The following NSUN7 variants were observed in gnomAD, a reference collection of about 807,000 sequenced individuals.
NSUN7 encodes NOP2/Sun RNA methyltransferase family member 7.
In NSUN7, 39 loss-of-function variants were observed where a neutral mutation model predicts 58.5. The ratio of observed to expected loss-of-function variants is 0.67; its 90% CI spans 0.52 to 0.87. The LOEUF is 0.87. Among genes scored for constraint, NSUN7 ranks in the 40% least tolerant of loss-of-function variants. NSUN7 has a pLI of 0.00. For missense variants in NSUN7, 765 were observed against 844.1 expected (o/e 0.91, Z 1.16); for synonymous variants, 278 against 303.7 (o/e 0.92, Z 0.88).
At chr4:40,772,081 C>T (rs1440642204) in intron 4 of NSUN7, among the ~76,000 whole-genome samples, 2 of 152,090 alleles carry the variant, frequency 1.3e-5, no homozygotes, top group Admixed American at 1.3e-4. Context: ...ATCTGTATAA[C>T]TGCATGTACA....
At chr4:40,790,089 A>C in intron 7 of NSUN7, among the ~76,000 whole-genome samples, 1 of 119,074 alleles carries the variant, frequency 8.4e-6, no homozygotes, top group Admixed American at 9.4e-5. Context: ...TTTTCTGGAG[A>C]GAAGATAGAA....
chr4:40,792,771 C>T (rs1024043730), intron 8 of NSUN7, among the ~76,000 whole-genome samples: 71 of 138,726 alleles, frequency 5.1e-4, no homozygotes, highest in Admixed American at 1.2e-3. Context: ...AAAAAGTTGT[C>T]GTATCCTGAA....
At chr4:40,778,718 A>T (rs1742385133) in intron 7 of NSUN7, among the ~76,000 whole-genome samples, 1 of 152,240 alleles carries the variant, frequency 6.6e-6, no homozygotes, top group Non-Finnish European at 1.5e-5. Context: ...CTAAGGTAAC[A>T]TATTAGGCAT....
At position 40,751,003 on chromosome 4, in the gene NSUN7, C is replaced by T; in HGVS notation, c.298+12C>T. On this transcript the variant is annotated intron_variant, in intron 2 of 11. Coordinates refer to ENST00000381782, the MANE Select transcript of NSUN7 (RefSeq NM_024677.6). ...CAGTGCCCTGAAATGTGAGTTGTGC[C>T]AGTCTGGAAGATCAACACTAAAAGA... 1 of 1,610,068 alleles carries T rather than the reference C, an allele frequency of 6.2e-7. No individual in the cohort carries two copies. Among genetic ancestry groups the T allele is most frequent in the Non-Finnish European group, 8.5e-7 (1 of 1,176,920 alleles).
chr4:40,805,411 A>G (rs1055021270), intron 10 of NSUN7, among the ~76,000 whole-genome samples: 6 of 152,116 alleles, frequency 3.9e-5, no homozygotes, highest in African/African-American at 1.2e-4. Flanking sequence ...GAGTTCCCCA[A>G]TCTGTGCACC....
At chr4:40,756,499 A>G (rs559609067) in intron 2 of NSUN7, among the ~76,000 whole-genome samples, 2 of 152,298 alleles carry the variant, frequency 1.3e-5, no homozygotes, top group Admixed American at 1.3e-4. Context: ...CTGATAACCT[A>G]AATTAGGCAT....
chr4:40,780,282 A>AAATC (rs76768481), intron 7 of NSUN7, among the ~76,000 whole-genome samples: 18,852 of 150,334 alleles, frequency 0.13, 1,519 homozygotes, highest in Non-Finnish European at 0.18. Flanking sequence ...TCCGTCTCAT[A>AAATC]AATCAATCAA....
At chr4:40,778,420 G>A (rs561285098) in intron 7 of NSUN7, among the ~76,000 whole-genome samples, 57 of 152,278 alleles carry the variant, frequency 3.7e-4, no homozygotes, top group African/African-American at 1.3e-3. Flanking sequence ...CCTAACCCCC[G>A]AAGTGATGGT....
chr4:40,751,685 C>T (rs1740841622), intron 2 of NSUN7, among the ~76,000 whole-genome samples: 1 of 152,156 alleles, frequency 6.6e-6, no homozygotes, highest in Non-Finnish European at 1.5e-5. Flanking sequence ...GGGTTTGAGA[C>T]TCAAGGATGG....
At chr4:40,799,641 T>G (rs1477612963) in intron 10 of NSUN7, among the ~76,000 whole-genome samples, 1 of 152,184 alleles carries the variant, frequency 6.6e-6, no homozygotes, top group Non-Finnish European at 1.5e-5. Context: ...TGGTTTGAGA[T>G]TTGAGCTCAA....
intron 10 of NSUN7, among the ~76,000 whole-genome samples, chr4:40,803,307 T>C (rs1372579908): frequency 3.3e-5 from 5 of 152,188 alleles, no homozygotes; most frequent in African/African-American, 1.2e-4. Context: ...TACCCAGTAA[T>C]GGGATGGCTG....
Position 40,807,084 on chromosome 4 carries a change from T to C in NSUN7, c.1424T>C (p.Leu475Pro), listed in dbSNP as rs1197561714. The change falls in exon 11 of 12, where the codon CTG becomes CCG. Residue 475 changes from leucine to proline, a missense_variant. Leu to Pro is a moderately conservative substitution (Grantham distance 98). Coordinates refer to ENST00000381782, the MANE Select transcript of NSUN7 (RefSeq NM_024677.6). ...AGGCTTAGTCCTCCTGTTCTTCCAC[T>C]GTGCTCCTTAAAGGAAATTCAATTG... ...PYRLSPPVLP[L>P]CSLKEIQLST... The C allele has an allele frequency of 6.4e-7, 1 of 1,551,838 alleles. No homozygotes were observed. The highest frequency in any genetic ancestry group is 8.7e-7 in the Non-Finnish European group (1 of 1,146,942).
intron 4 of NSUN7, among the ~76,000 whole-genome samples, chr4:40,773,903 A>T (rs575381620): frequency 6.6e-6 from 1 of 152,026 alleles, no homozygotes; most frequent in South Asian, 2.1e-4. Flanking sequence ...GGTTCAAGTG[A>T]TTCTCCTGCC....
intron 10 of NSUN7, among the ~76,000 whole-genome samples, chr4:40,799,174 C>T (rs1435412814): frequency 2.7e-5 from 4 of 146,888 alleles, no homozygotes; most frequent in African/African-American, 1.0e-4. Flanking sequence ...CAAACTCCGC[C>T]TCCCAGGTTC....
Position 40,811,140 on chromosome 4 carries a change from T to G in NSUN7, c.*2201T>G, listed in dbSNP as rs1236657064. 2.0e-5 allele frequency: 3 copies of G among 152,220 alleles called. No individual in the cohort carries two copies. Among genetic ancestry groups the G allele is most frequent in the Non-Finnish European group, 2.9e-5 (2 of 68,042 alleles). 9.4% of individuals were successfully genotyped at this position (152,220 alleles called of 1,614,324 possible). On this transcript the variant is annotated 3_prime_UTR_variant, in exon 12 of 12. Coordinates refer to ENST00000381782, the MANE Select transcript of NSUN7 (RefSeq NM_024677.6). Reference sequence around the variant, plus strand: ...ATTTGGCACTAAATTATTTTTCTCTTTAGAAGTATATGAAGATTCTGAATT... The same window carrying G: ...ATTTGGCACTAAATTATTTTTCTCTGTAGAAGTATATGAAGATTCTGAATT...
intron 7 of NSUN7, among the ~76,000 whole-genome samples, chr4:40,781,573 G>A (rs1369420366): frequency 6.6e-6 from 1 of 152,060 alleles, no homozygotes; most frequent in Admixed American, 6.6e-5. Context: ...AGCCTCCCAA[G>A]TAGCTGGGAC....
chr4:40,782,255 T>C (rs991834789), intron 7 of NSUN7, among the ~76,000 whole-genome samples: 1 of 152,110 alleles, frequency 6.6e-6, no homozygotes, highest in African/African-American at 2.4e-5. Context: ...AGCTCAAGAC[T>C]TGTACAATGA....
rs796117262 is a variant in NSUN7, at chr4:40,780,754, T to TACACACACAC, written c.1036+4519_1036+4528dup. 1.5e-3 allele frequency among the ~76,000 whole-genome samples: 154 copies of TACACACACAC among 104,232 alleles called. 2 individuals carry two copies. Among genetic ancestry groups the TACACACACAC allele is most frequent in the East Asian group, 0.015 (51 of 3,470 alleles). The allele number at this position is 104,232 out of a possible 152,430, so 68.4% of individuals were successfully genotyped here. A position where few individuals can be genotyped will look rare whatever the true frequency, so the allele number is the denominator to read the frequency against. On this transcript the variant is annotated intron_variant, in intron 7 of 11. Coordinates refer to ENST00000381782, the MANE Select transcript of NSUN7 (RefSeq NM_024677.6). ...TTAAAATATTATGTAAACATTGAAA[T>TACACACACAC]ACACACACACACACACACACACACA...
rs748570853 is a variant in NSUN7, at chr4:40,750,643, A to G, written c.-51A>G. 6 of 1,586,858 alleles carry G rather than the reference A, an allele frequency of 3.8e-6. No homozygotes were observed. The highest frequency in any genetic ancestry group is 5.2e-6 in the Non-Finnish European group (6 of 1,164,826). On this transcript the variant is annotated 5_prime_UTR_variant, in exon 2 of 12. Transcript: ENST00000381782. ...TGCGAGGAAAGCCGTTTCCTGGAAC[A>G]TCGGAATTCTAACCCCAGGGTGAAG...
Sources: gnomAD v4.1 joint callset for allele counts (sites outside exome capture counted in the v4.1 genomes callset) on GRCh38, gnomAD v4.1.1 for gene constraint, MANE v1.5 for transcripts, NCBI Gene and HGNC (gene_info 2026-07-23, HGNC 2026-07-21) for gene names.